Variants in LGALS9 observed in about 807,000 individuals in gnomAD.
The protein encoded by LGALS9 is galectin 9.
LGALS9 carries 26 observed loss-of-function variants against 35.9 expected under a neutral mutation model. That is an observed-to-expected ratio of 0.72 (90% CI 0.53 to 1.01). The LOEUF (loss-of-function observed/expected upper bound fraction) is 1.01. Ranked by LOEUF, LGALS9 falls within the 50% of genes least tolerant of loss-of-function variation. The pLI is 0.00. For missense variants in LGALS9, 347 were observed against 445.8 expected (o/e 0.78, Z 1.99); for synonymous variants, 149 against 172.2 (o/e 0.87, Z 1.06).
intron 4 of LGALS9, 121 bp downstream of exon 4, chr17:27,642,469 C>T (rs1389522767): frequency 7.1e-7 from 1 of 1,399,586 alleles, no homozygotes; most frequent in Non-Finnish European, 9.6e-7. Context: ...TGGGGACAAC[C>T]TCTGCTTCCC....
rs1356052618 is a variant in LGALS9 at position 27,648,733 on chromosome 17, A to T, written c.922-103A>T. The T allele has an allele frequency of 3.8e-6, 6 of 1,582,032 alleles. No homozygotes were observed. In the East Asian group the frequency reaches 1.2e-4, roughly 30 times the overall value. Reference sequence around the variant, plus strand: ...ATAGAGTGCAGGTGAGGGGCTTATTAACAACTGAGGAGGGAGGGAGGGTGG... The same window carrying T: ...ATAGAGTGCAGGTGAGGGGCTTATTTACAACTGAGGAGGGAGGGAGGGTGG... On this transcript the variant is annotated intron_variant, in intron 10 of 10. Transcript: ENST00000395473.
At chr17:27,632,561 T>G (rs2074403569) in intron 1 of LGALS9, among the ~76,000 whole-genome samples, 1 of 152,314 alleles carries the variant, frequency 6.6e-6, no homozygotes, top group South Asian at 2.1e-4. Flanking sequence ...AACAGGCCGC[T>G]GGTGGGGGCC....
At chr17:27,643,430 C>G (rs1004751941) in intron 4 of LGALS9, 95 bp from the exon 5 acceptor site, 3 of 1,571,912 alleles carry the variant, frequency 1.9e-6, no homozygotes, top group Non-Finnish European at 2.6e-6. Flanking sequence ...CCCTGCCTGC[C>G]TGGTCTCTCC....
At chr17:27,646,828 T>A (rs904122793) in intron 8 of LGALS9, among the ~76,000 whole-genome samples, 38 of 152,204 alleles carry the variant, frequency 2.5e-4, no homozygotes, top group Non-Finnish European at 4.4e-5. Context: ...GAAACGAGTC[T>A]TTTTGTGTTT....
intron 4 of LGALS9, among the ~76,000 whole-genome samples, chr17:27,643,266 G>T (rs887269721): frequency 6.6e-5 from 10 of 152,084 alleles, no homozygotes; most frequent in Admixed American, 5.2e-4. Flanking sequence ...TCGCCCTTTG[G>T]TCCTCATCTC....
chr17:27,641,020 G>T, intron 3 of LGALS9: 1 of 709,314 alleles, frequency 1.4e-6, no homozygotes, highest in Non-Finnish European at 2.6e-6. Flanking sequence ...TCATCACGTT[G>T]CTATTTGGTG....
At chr17:27,634,808 A>C (rs769393699) in intron 1 of LGALS9, among the ~76,000 whole-genome samples, 28 of 152,302 alleles carry the variant, frequency 1.8e-4, no homozygotes, top group Non-Finnish European at 3.5e-4. Context: ...GGGGATTCGA[A>C]TGTGGATGTT....
chr17:27,640,436 C>T (rs1462260081), intron 2 of LGALS9, 136 bp from the exon 3 acceptor site: 5 of 1,286,276 alleles, frequency 3.9e-6, no homozygotes, highest in Non-Finnish European at 5.5e-6. Context: ...AAAAACGATG[C>T]CAACAAAGCA....
intron 1 of LGALS9, 80 bp downstream of exon 1, chr17:27,631,384 G>C: frequency 6.3e-7 from 1 of 1,595,004 alleles, no homozygotes; most frequent in Non-Finnish European, 8.6e-7. Context: ...CAACTCCTGG[G>C]TGGCAGGGGA....
intron 1 of LGALS9, among the ~76,000 whole-genome samples, chr17:27,632,877 C>A: frequency 6.6e-6 from 1 of 152,188 alleles, no homozygotes; most frequent in East Asian, 1.9e-4. Context: ...ATCTGGCAGT[C>A]GGAGCCACGC....
chr17:27,645,195 G>A, intron 5 of LGALS9, 119 bp from the exon 6 acceptor site: 9 of 1,583,706 alleles, frequency 5.7e-6, no homozygotes, highest in East Asian at 2.2e-5. Flanking sequence ...CAAGAGGGAG[G>A]TGGGTGTGTC....
chr17:27,641,748 C>G (rs756062206), intron 3 of LGALS9, among the ~76,000 whole-genome samples: 1 of 151,892 alleles, frequency 6.6e-6, no homozygotes, highest in African/African-American at 2.4e-5. Context: ...CTGAGGAGGG[C>G]GGATCGCTTC....
At chr17:27,635,221 C>T (rs183969175) in intron 1 of LGALS9, among the ~76,000 whole-genome samples, 27 of 152,184 alleles carry the variant, frequency 1.8e-4, no homozygotes, top group African/African-American at 3.4e-4. Flanking sequence ...GAGGCCGAGC[C>T]GGAAGGATCA....
chr17:27,631,288 C>T lies in LGALS9; in HGVS notation c.23C>T (p.Ala8Val). 4 of 1,614,232 alleles carry T rather than the reference C, an allele frequency of 2.5e-6. No homozygotes were observed. The highest frequency in any genetic ancestry group is 3.4e-6 in the Non-Finnish European group (4 of 1,180,030). The change falls in exon 1 of 11, where the codon GCT becomes GTT. Residue 8 changes from alanine (A) to valine (V), a missense_variant. Physicochemically the swap from Ala to Val is moderately conservative, Grantham distance 64 (BLOSUM62 0). Transcript: ENST00000395473. ...GAGATGGCCTTCAGCGGTTCCCAGGCTCCCTACCTGAGTCCAGTGAGTTCC... is the reference window on the plus strand; with the variant it reads ...GAGATGGCCTTCAGCGGTTCCCAGGTTCCCTACCTGAGTCCAGTGAGTTCC... The part of the protein sequence containing the change: MAFSGSQ[A>V]PYLSPAVPFS...
intron 3 of LGALS9, among the ~76,000 whole-genome samples, chr17:27,641,937 C>CA (rs1025595794): frequency 1.3e-4 from 19 of 149,422 alleles, no homozygotes; most frequent in African/African-American, 4.2e-4. Context: ...CATTCCATCT[C>CA]AAAAAACAAA....
rs143698718 is a variant in LGALS9 at position 27,646,543 on chromosome 17, A to G, written c.628-4A>G. On this transcript the variant is annotated splice_region_variant and splice_polypyrimidine_tract_variant and intron_variant, in intron 7 of 10. Coordinates refer to ENST00000395473, the MANE Select transcript of LGALS9 (RefSeq NM_009587.3). Reference sequence around the variant, plus strand: ...CATTGAATTTCCTGGTTTCTTTTCAACAGACTCCCGCCATCCCACCTATGA... The same window carrying G: ...CATTGAATTTCCTGGTTTCTTTTCAGCAGACTCCCGCCATCCCACCTATGA... 9.4e-4 allele frequency: 1,510 copies of G among 1,612,028 alleles called. 13 individuals carry two copies. In the African/African-American group the frequency reaches 0.018, roughly 20 times the overall value.
At chr17:27,631,448 G>C in intron 1 of LGALS9, 144 bp downstream of exon 1, 1 of 1,130,084 alleles carries the variant, frequency 8.8e-7, no homozygotes, top group Non-Finnish European at 1.3e-6. Flanking sequence ...TATCAGAGGA[G>C]GTCATCCTGG....
At chr17:27,638,852 C>T (rs1014878092) in intron 2 of LGALS9, 32 of 226,058 alleles carry the variant, frequency 1.4e-4, no homozygotes, top group Non-Finnish European at 2.5e-4. Context: ...TTTCCCACCC[C>T]CTCCTCCCTC....
At chr17:27,642,499 C>G (rs1346877532) in intron 4 of LGALS9, 151 bp downstream of exon 4, 25 of 1,156,932 alleles carry the variant, frequency 2.2e-5, no homozygotes, top group Non-Finnish European at 6.0e-6. Flanking sequence ...ACCTGCCCGC[C>G]CCTTCTCCTC....
Sources: gnomAD v4.1 joint callset for allele counts (sites outside exome capture counted in the v4.1 genomes callset) on GRCh38, gnomAD v4.1.1 for gene constraint, MANE v1.5 for transcripts, NCBI Gene and HGNC (gene_info 2026-07-23, HGNC 2026-07-21) for gene names.